The following CSMD1 variants were observed in gnomAD, a reference collection of about 807,000 sequenced individuals.
CSMD1 encodes CUB and Sushi multiple domains 1.
A neutral mutation model predicts 417.5 loss-of-function variants in CSMD1; 213 were observed. The ratio of observed to expected loss-of-function variants is 0.51; its 90% CI spans 0.46 to 0.57. The LOEUF (loss-of-function observed/expected upper bound fraction) is 0.57, where lower values mean the gene tolerates loss of function less well. CSMD1 is among the 20% of genes least tolerant of loss of function. The pLI is 0.00. For synonymous variants in CSMD1, 2,862 were observed against 1,736.8 expected (o/e 1.65, Z -16.11); for missense variants, 6,923 against 4,529.7 (o/e 1.53, Z -15.17).
chr8:3,468,944 C>T (rs1452877663), intron 11 of CSMD1, 120 bp from the exon 12 acceptor site: 1 of 613,276 alleles, frequency 1.6e-6, no homozygotes, highest in African/African-American at 1.9e-5. Flanking sequence ...TAGCAAGACC[C>T]TCTTTCAAAG....
At chr8:3,395,726 T>C (rs879436574) in intron 17 of CSMD1, among the ~76,000 whole-genome samples, 1 of 152,202 alleles carries the variant, frequency 6.6e-6, no homozygotes, top group Non-Finnish European at 1.5e-5. Flanking sequence ...TCGCCTCTTG[T>C]TACCTGACTT....
At chr8:3,051,706 A>C (rs190411352) in intron 50 of CSMD1, among the ~76,000 whole-genome samples, 175 of 152,228 alleles carry the variant, frequency 1.1e-3, no homozygotes, top group Non-Finnish European at 1.7e-3. Context: ...GTCTATACAG[A>C]AATGTTATAT....
At chr8:4,642,128 G>A (rs184836524) in intron 1 of CSMD1, among the ~76,000 whole-genome samples, 1 of 152,196 alleles carries the variant, frequency 6.6e-6, no homozygotes, top group Non-Finnish European at 1.5e-5. Flanking sequence ...GAAGGTCCAG[G>A]TCTGCAAGAT....
intron 50 of CSMD1, among the ~76,000 whole-genome samples, chr8:3,045,932 T>A (rs147921492): frequency 2.0e-5 from 3 of 152,250 alleles, no homozygotes; most frequent in African/African-American, 7.2e-5. Flanking sequence ...GTAGGGGGTA[T>A]AGGGTTAGTT....
intron 69 of CSMD1, among the ~76,000 whole-genome samples, chr8:2,942,242 G>T (rs1310469053): frequency 6.6e-6 from 1 of 151,810 alleles, no homozygotes; most frequent in African/African-American, 2.4e-5. Context: ...CCTGAGTGAT[G>T]GGTTGATCCA....
intron 3 of CSMD1, among the ~76,000 whole-genome samples, chr8:4,369,721 T>A (rs1344161292): frequency 6.6e-6 from 1 of 152,186 alleles, no homozygotes; most frequent in Non-Finnish European, 1.5e-5. Flanking sequence ...TTGTTGTTGG[T>A]TTAAAGATCG....
chr8:3,346,929 T>A (rs541527973), intron 22 of CSMD1, among the ~76,000 whole-genome samples: 1 of 152,334 alleles, frequency 6.6e-6, no homozygotes, highest in Admixed American at 6.5e-5. Flanking sequence ...TCTGTCCAAC[T>A]AAATTGCTCA....
intron 2 of CSMD1, among the ~76,000 whole-genome samples, chr8:4,630,474 C>T (rs563668514): frequency 9.2e-5 from 14 of 151,974 alleles, no homozygotes; most frequent in East Asian, 3.9e-4. Context: ...AAAACAAAAA[C>T]GAAAAACAAA....
chr8:4,955,523 T>C (rs1366440141), intron 1 of CSMD1, among the ~76,000 whole-genome samples: 2 of 151,756 alleles, frequency 1.3e-5, no homozygotes, highest in Non-Finnish European at 2.9e-5. Context: ...TGGCATGATC[T>C]CGGCACACTG....
At chr8:3,459,882 C>G (rs559903580) in intron 12 of CSMD1, among the ~76,000 whole-genome samples, 7 of 151,766 alleles carry the variant, frequency 4.6e-5, no homozygotes, top group African/African-American at 1.5e-4. Context: ...TAAAAAAAAA[C>G]TGGAGTGGTC....
chr8:3,653,237 C>T lies in CSMD1; in HGVS notation c.1010-36440G>A, dbSNP rs541189108. 2.9e-4 allele frequency among the ~76,000 whole-genome samples: 44 copies of T among 151,896 alleles called. No individual in the cohort carries two copies. The East Asian group carries it at 7.9e-3, about 27-fold the overall frequency. ...AAACTTTTCTTATTTTTTACATTGT[C>T]TCATATAAATATCAAATAGATAAGT... On this transcript the variant is annotated intron_variant, in intron 7 of 69. Transcript: ENST00000635120.
intron 4 of CSMD1, among the ~76,000 whole-genome samples, chr8:4,022,899 T>C (rs1796861107): frequency 6.6e-6 from 1 of 152,186 alleles, no homozygotes; most frequent in African/African-American, 2.4e-5. Flanking sequence ...ACATGGATTA[T>C]TGTGATGAAA....
intron 41 of CSMD1, among the ~76,000 whole-genome samples, chr8:3,123,133 T>C (rs1004145923): frequency 6.6e-6 from 1 of 152,210 alleles, no homozygotes; most frequent in Non-Finnish European, 1.5e-5. Flanking sequence ...CTGATAAATG[T>C]AGGGACAGGG....
intron 5 of CSMD1, among the ~76,000 whole-genome samples, chr8:3,969,240 ACT>A (rs964721651): frequency 1.3e-5 from 2 of 152,058 alleles, no homozygotes; most frequent in Non-Finnish European, 2.9e-5. Flanking sequence ...ACAGAGTGAG[ACT>A]CTGTCTCGAT....
At chr8:3,756,082 C>A (rs571569874) in intron 5 of CSMD1, among the ~76,000 whole-genome samples, 11 of 152,038 alleles carry the variant, frequency 7.2e-5, no homozygotes, top group African/African-American at 2.4e-4. Flanking sequence ...TGTGGCCGGG[C>A]GCAGTGGCTC....
In CSMD1 at chr8:4,032,018, T is replaced by C. The variant is rs1008969983; in HGVS notation, c.497A>G (p.Lys166Arg). The C allele has an allele frequency of 1.2e-6, 2 of 1,613,960 alleles. No individual in the cohort carries two copies. Among genetic ancestry groups the C allele is most frequent in the East Asian group, 2.2e-5 (1 of 44,858 alleles). ...LHGTRFNIGD[K>R]IRYSCLPGYI... ...GCCAGGGAGGCAGCTGTACCGGATT[T>C]TGTCTCCTATGTTGAATCTCGTTCC... The change falls in exon 4 of 70, where the codon AAA becomes AGA. Residue 166 changes from lysine (K) to arginine (R), a missense_variant. By Grantham distance (26) the Lys-to-Arg change is conservative (BLOSUM62 2). Coordinates refer to ENST00000635120, the MANE Select transcript of CSMD1 (RefSeq NM_033225.6).
chr8:3,987,635 G>C (rs1814432213), intron 5 of CSMD1, among the ~76,000 whole-genome samples: 1 of 152,162 alleles, frequency 6.6e-6, no homozygotes, highest in Admixed American at 6.5e-5. Context: ...GGATGAGTAG[G>C]GCTTTGCTGA....
chr8:4,149,241 G>A (rs748133274), intron 3 of CSMD1, among the ~76,000 whole-genome samples: 1 of 152,086 alleles, frequency 6.6e-6, no homozygotes, highest in South Asian at 2.1e-4. Flanking sequence ...TGAGATAACA[G>A]GCATAAGCCA....
intron 15 of CSMD1, among the ~76,000 whole-genome samples, chr8:3,400,239 G>A (rs756185739): frequency 9.9e-5 from 15 of 152,120 alleles, no homozygotes; most frequent in Admixed American, 2.0e-4. Flanking sequence ...CCGTAATTAA[G>A]AATATGTCCC....
Sources: allele counts gnomAD v4.1 joint callset (sites outside exome capture counted in the v4.1 genomes callset), GRCh38; gene constraint gnomAD v4.1.1; transcripts MANE v1.5; gene names NCBI Gene and HGNC (gene_info 2026-07-23, HGNC 2026-07-21).